Variants in FIRRM observed in about 807,000 individuals in gnomAD.
The protein encoded by FIRRM is FIGNL1 interacting regulator of recombination and mitosis, also known as FIGNL1-interacting regulator of recombination and mitosis.
At chr1:169,793,626 C>T in the FIRRM span, 1 of 1,614,174 alleles carries the variant, frequency 6.2e-7, no homozygotes, top group East Asian at 2.2e-5. Flanking sequence ...AGGGTCAAAG[C>T]TCCATCTCTA....
the FIRRM span, among the ~76,000 whole-genome samples, chr1:169,802,057 T>C: frequency 1.4e-4 from 21 of 152,342 alleles, no homozygotes; most frequent in East Asian, 4.0e-3. Context: ...GTCATTTAAA[T>C]TGTTAGAAAG....
At chr1:169,789,937 A>T in the FIRRM span, among the ~76,000 whole-genome samples, 1 of 152,254 alleles carries the variant, frequency 6.6e-6, no homozygotes, top group African/African-American at 2.4e-5. Context: ...TTAACTCTTA[A>T]TCTTCAAGGA....
At chr1:169,785,493 G>A in the FIRRM span, among the ~76,000 whole-genome samples, 1 of 152,158 alleles carries the variant, frequency 6.6e-6, no homozygotes, top group Non-Finnish European at 1.5e-5. Flanking sequence ...GGATGGATGG[G>A]GAGCTGGAAG....
At chr1:169,853,737 C>G in the FIRRM span, 29 of 1,613,662 alleles carry the variant, frequency 1.8e-5, no homozygotes, top group Non-Finnish European at 2.3e-5. Context: ...CTTCCCAGTT[C>G]AGCTCCCCTT....
chr1:169,790,366 A>C, the FIRRM span, among the ~76,000 whole-genome samples: 116 of 152,138 alleles, frequency 7.6e-4, no homozygotes, highest in Non-Finnish European at 1.3e-3. Flanking sequence ...TTGTATTTTT[A>C]GTAGACAAGG....
At chr1:169,809,141 A>C in the FIRRM span, among the ~76,000 whole-genome samples, 19 of 152,170 alleles carry the variant, frequency 1.2e-4, no homozygotes, top group Admixed American at 1.3e-4. Flanking sequence ...GGAACTTTAA[A>C]AAGAAGTTCT....
At chr1:169,807,718 A>G in the FIRRM span, 3 of 1,303,292 alleles carry the variant, frequency 2.3e-6, no homozygotes, top group African/African-American at 1.5e-5. Context: ...TACAAGGTAG[A>G]TATTGTTAGA....
At chr1:169,848,155 G>GT in the FIRRM span, among the ~76,000 whole-genome samples, 11 of 152,016 alleles carry the variant, frequency 7.2e-5, no homozygotes, top group Non-Finnish European at 1.2e-4. Context: ...TATTCTCTTC[G>GT]TTTTTTATCC....
the FIRRM span, among the ~76,000 whole-genome samples, chr1:169,822,824 T>C: frequency 1.6e-4 from 24 of 152,290 alleles, no homozygotes; most frequent in African/African-American, 5.8e-4. Context: ...TTTACAGTTA[T>C]CGCTACTGTT....
chr1:169,846,478 C>G, the FIRRM span, among the ~76,000 whole-genome samples: 2 of 152,182 alleles, frequency 1.3e-5, no homozygotes, highest in Non-Finnish European at 2.9e-5. Flanking sequence ...GGTGTTTCCT[C>G]TACATTAAAA....
chr1:169,837,132 T>G, the FIRRM span: 1 of 1,562,412 alleles, frequency 6.4e-7, no homozygotes, highest in East Asian at 2.3e-5. Context: ...TAATTTTGAT[T>G]TATTTTATTC....
chr1:169,831,323 T>G, the FIRRM span, among the ~76,000 whole-genome samples: 1 of 152,242 alleles, frequency 6.6e-6, no homozygotes, highest in South Asian at 2.1e-4. Context: ...TATAAGATGA[T>G]TATGACCTAT....
chr1:169,793,042 A>G, the FIRRM span: 3 of 1,614,204 alleles, frequency 1.9e-6, no homozygotes, highest in Non-Finnish European at 2.5e-6. Context: ...CCATACTGTT[A>G]TAATCTTGAA....
chr1:169,814,591 A>G, the FIRRM span, among the ~76,000 whole-genome samples: 4 of 152,194 alleles, frequency 2.6e-5, no homozygotes, highest in African/African-American at 9.7e-5. Flanking sequence ...TCTTTAATGC[A>G]ATATGGAAAC....
chr1:169,840,774 T>C, the FIRRM span, among the ~76,000 whole-genome samples: 1 of 152,176 alleles, frequency 6.6e-6, no homozygotes. Flanking sequence ...CCTCCCAAAG[T>C]GCTGGGATTA....
chr1:169,848,771 C>T, the FIRRM span, among the ~76,000 whole-genome samples: 8 of 152,148 alleles, frequency 5.3e-5, no homozygotes, highest in East Asian at 1.9e-4. Context: ...GGACTATGCA[C>T]GGGCCTAGAA....
the FIRRM span, chr1:169,853,122 G>C: frequency 1.2e-6 from 1 of 833,408 alleles, no homozygotes; most frequent in Non-Finnish European, 1.9e-6. Context: ...GACATTTAGA[G>C]AACAGGATTG....
chr1:169,827,229 T>C, the FIRRM span: 6 of 1,586,608 alleles, frequency 3.8e-6, no homozygotes, highest in Non-Finnish European at 5.2e-6. Context: ...TAATGATAAA[T>C]CATCTATTAT....
the FIRRM span, among the ~76,000 whole-genome samples, chr1:169,788,868 T>C: frequency 0.019 from 2,870 of 152,308 alleles, 96 homozygotes; most frequent in African/African-American, 0.065. Context: ...ATAGTTTCTT[T>C]CAAACAGAAA....
Sources: gnomAD v4.1 joint callset for allele counts (sites outside exome capture counted in the v4.1 genomes callset) on GRCh38, gnomAD v4.1.1 for gene constraint, MANE v1.5 for transcripts, NCBI Gene and HGNC (gene_info 2026-07-23, HGNC 2026-07-21) for gene names.